The following SETD9 variants were observed in gnomAD, a reference collection of about 807,000 sequenced individuals.
SETD9 encodes SET domain-containing protein 9.
A neutral mutation model predicts 36.4 loss-of-function variants in SETD9; 37 were observed. That is an observed-to-expected ratio of 1.02 (90% CI 0.78 to 1.34). The LOEUF (loss-of-function observed/expected upper bound fraction) is 1.34. Ranked by LOEUF, SETD9 falls within the 40% of genes most tolerant of loss-of-function variation. The probability of loss-of-function intolerance (pLI) is 0.00; values close to 1 mark genes in which losing one functional copy is unlikely to be tolerated. For synonymous variants in SETD9, 128 were observed against 132.9 expected (o/e 0.96, Z 0.26); for missense variants, 323 against 353.2 (o/e 0.91, Z 0.69).
downstream of SETD9, chr5:56,921,974 A>C (rs1309110236): frequency 6.5e-6 from 1 of 152,680 alleles, no homozygotes; most frequent in Non-Finnish European, 1.5e-5. Flanking sequence ...ACATCTGAAC[A>C]TCTATCAATT....
At chr5:56,925,298 T>G (rs1257438115) in intron 5 of SETD9, 3 of 453,258 alleles carry the variant, frequency 6.6e-6, no homozygotes, top group South Asian at 4.7e-5. Flanking sequence ...GTATACAGAT[T>G]GGGAAGGAAG....
At position 56,913,120 on chromosome 5, in the gene SETD9, A is replaced by C; in HGVS notation, c.576A>C (p.Ser192=). The change falls in exon 3 of 6, where the codon TCA becomes TCC. Residue 192 remains serine (S), a synonymous_variant. Coordinates refer to ENST00000285947, the MANE Select transcript of SETD9 (RefSeq NM_153706.4). ...TTGATGGGAATGACAAAGGGATATCAAAAGTTGTGTACAGGTAAGTGATGC... is the reference window on the plus strand; with the variant it reads ...TTGATGGGAATGACAAAGGGATATCCAAAGTTGTGTACAGGTAAGTGATGC... ...VLIDGNDKGI[S]KVVYRSCNGR... 1.9e-6 allele frequency: 3 copies of C among 1,614,108 alleles called. No individual in the cohort carries two copies. Among genetic ancestry groups the C allele is most frequent in the Non-Finnish European group, 2.5e-6 (3 of 1,179,996 alleles).
chr5:56,911,322 A>G lies in SETD9; in HGVS notation c.252A>G (p.Ser84=). The change falls in exon 2 of 6, where the codon TCA becomes TCG. Residue 84 remains serine (S), a synonymous_variant. Transcript: ENST00000285947. ...ILSMLPESVK[S]KYQDLLAVEH... is the part of the protein sequence containing the mutation. Reference sequence around the variant, plus strand: ...CTATGCTTCCAGAATCTGTTAAATCAAAATATCAAGACCTACTGGCAGTTG... The same window carrying G: ...CTATGCTTCCAGAATCTGTTAAATCGAAATATCAAGACCTACTGGCAGTTG... 6.2e-7 allele frequency: 1 copy of G among 1,611,672 alleles called. No individual in the cohort carries two copies. Among genetic ancestry groups the G allele is most frequent in the Non-Finnish European group, 8.5e-7 (1 of 1,179,166 alleles).
downstream of SETD9, chr5:56,917,491 AG>A (rs1241685231): frequency 8.7e-6 from 2 of 229,254 alleles, no homozygotes; most frequent in African/African-American, 2.4e-5. Flanking sequence ...TGTTGGTGGG[AG>A]GAACACTTAT....
At chr5:56,924,289 T>C (rs902475788) in intron 5 of SETD9, among the ~76,000 whole-genome samples, 4 of 152,154 alleles carry the variant, frequency 2.6e-5, no homozygotes, top group Non-Finnish European at 1.5e-5. Context: ...TATTAGTTTA[T>C]AAAACAAGTG....
At chr5:56,917,874 A>C (rs912643807), downstream of SETD9, among the ~76,000 whole-genome samples, 46 of 152,186 alleles carry the variant, frequency 3.0e-4, no homozygotes, top group Admixed American at 3.0e-3. Flanking sequence ...CCAAACTTGG[A>C]TAGGAAGGAG....
At chr5:56,918,610 G>A (rs764030171), downstream of SETD9, among the ~76,000 whole-genome samples, 4 of 151,882 alleles carry the variant, frequency 2.6e-5, no homozygotes, top group Admixed American at 6.6e-5. Flanking sequence ...CGGAATATGT[G>A]TGCTTGTCCC....
chr5:56,924,184 A>C (rs1749839321), intron 5 of SETD9: 30 of 820,836 alleles, frequency 3.7e-5, no homozygotes, highest in Non-Finnish European at 5.4e-5. Flanking sequence ...ATAAATTATA[A>C]AGTTCTGAAC....
chr5:56,927,316 GAT>G (rs1750040158), downstream of SETD9, among the ~76,000 whole-genome samples: 3 of 152,030 alleles, frequency 2.0e-5, no homozygotes, highest in Admixed American at 2.0e-4. Context: ...AATAATAAAA[GAT>G]ATAATAATAA....
chr5:56,917,076 C>G lies in SETD9; in HGVS notation c.*174C>G, dbSNP rs970407093. 3.1e-6 allele frequency: 4 copies of G among 1,292,652 alleles called. No individual in the cohort carries two copies. The African/African-American group carries it at 6.2e-5, about 20-fold the overall frequency. 80.1% of individuals were successfully genotyped at this position (1,292,652 alleles called of 1,614,324 possible). ...TTATGTTCCAATTTCATGATAAAAGCTACTTGCTTCATTACAATTTCAAAT... is the reference window on the plus strand; with the variant it reads ...TTATGTTCCAATTTCATGATAAAAGGTACTTGCTTCATTACAATTTCAAAT... On this transcript the variant is annotated 3_prime_UTR_variant, in exon 6 of 6. Transcript: ENST00000285947.
intron 4 of SETD9, among the ~76,000 whole-genome samples, chr5:56,914,440 G>A (rs1284071379): frequency 1.3e-5 from 2 of 152,064 alleles, no homozygotes; most frequent in African/African-American, 4.8e-5. Context: ...GGGCTTTGGC[G>A]TTAGTGAGAA....
chr5:56,910,568 C>A, intron 1 of SETD9: 1 of 372,750 alleles, frequency 2.7e-6, no homozygotes. Context: ...TGACTCGGAA[C>A]CGTGAGGCGG....
At chr5:56,910,045 T>C (rs931350151) in intron 1 of SETD9, 17 of 1,311,000 alleles carry the variant, frequency 1.3e-5, no homozygotes, top group African/African-American at 1.5e-5. Context: ...CAGTGTCCGC[T>C]GCGCTGCCGG....
intron 5 of SETD9, chr5:56,923,973 A>T (rs1749825304): frequency 1.9e-6 from 3 of 1,613,986 alleles, no homozygotes; most frequent in African/African-American, 2.7e-5. Context: ...TGAGCAAAGT[A>T]ATCATAACGT....
downstream of SETD9, among the ~76,000 whole-genome samples, chr5:56,918,499 A>AGAT (rs574127807): frequency 8.5e-5 from 13 of 152,316 alleles, no homozygotes; most frequent in East Asian, 2.5e-3. Context: ...TTCTAGTAAC[A>AGAT]GATGTACTAG....
chr5:56,909,972 A>T (rs2112002676), intron 1 of SETD9: 2 of 1,258,406 alleles, frequency 1.6e-6, no homozygotes, highest in Non-Finnish European at 2.1e-6. Context: ...GTGGAGTCCG[A>T]GGCCCGCTGG....
chr5:56,923,230 C>T, intron 5 of SETD9: 1 of 1,614,126 alleles, frequency 6.2e-7, no homozygotes, highest in Non-Finnish European at 8.5e-7. Flanking sequence ...CAGAAACAGC[C>T]ATTTTGGCAC....
chr5:56,928,892 G>GC (rs1042211474), downstream of SETD9: 2 of 1,531,582 alleles, frequency 1.3e-6, no homozygotes, highest in East Asian at 2.3e-5. Flanking sequence ...AAATTTATGG[G>GC]CCCCCAAATT....
chr5:56,915,052 G>T, intron 5 of SETD9, 86 bp downstream of exon 5: 1 of 1,029,058 alleles, frequency 9.7e-7, no homozygotes, highest in South Asian at 2.6e-5. Flanking sequence ...AGAATTTGGG[G>T]TAAAATTTTT....
Sources: allele counts gnomAD v4.1 joint callset (sites outside exome capture counted in the v4.1 genomes callset), GRCh38; gene constraint gnomAD v4.1.1; transcripts MANE v1.5; gene names NCBI Gene and HGNC (gene_info 2026-07-23, HGNC 2026-07-21).